ALDH1A2: variants seen among roughly 807,000 people sequenced by gnomAD.
The protein encoded by ALDH1A2 is retinal dehydrogenase 2.
Under a neutral mutation model 60.3 loss-of-function variants are expected in ALDH1A2, and 27 were observed. That is an observed-to-expected ratio of 0.45 (90% CI 0.33 to 0.62). The LOEUF is 0.62. Ranked by LOEUF, ALDH1A2 falls within the 20% of genes least tolerant of loss-of-function variation. ALDH1A2 has a pLI of 0.02. For synonymous variants in ALDH1A2, 289 were observed against 232.4 expected (o/e 1.24, Z -2.21); for missense variants, 581 against 643.8 (o/e 0.90, Z 1.06).
intron 1 of ALDH1A2, among the ~76,000 whole-genome samples, chr15:58,024,228 G>GA (rs1459448138): frequency 6.0e-5 from 9 of 149,590 alleles, no homozygotes; most frequent in East Asian, 3.9e-4. Context: ...TAAACAATAA[G>GA]AAAAAAAAAG....
chr15:58,025,019 G>A (rs1028835187), intron 1 of ALDH1A2, among the ~76,000 whole-genome samples: 17 of 151,970 alleles, frequency 1.1e-4, no homozygotes, highest in African/African-American at 4.1e-4. Flanking sequence ...AAACTCTTGG[G>A]AATAACAAAA....
chr15:58,060,162 C>T (rs1180809760), intron 1 of ALDH1A2, among the ~76,000 whole-genome samples: 1 of 152,106 alleles, frequency 6.6e-6, no homozygotes, highest in Non-Finnish European at 1.5e-5. Flanking sequence ...TTCAGGTGAT[C>T]CACCCGCCTC....
intron 7 of ALDH1A2, among the ~76,000 whole-genome samples, chr15:57,971,964 A>G (rs1020270286): frequency 2.6e-5 from 4 of 152,142 alleles, no homozygotes; most frequent in Admixed American, 2.6e-4. Context: ...TCCTGGGCTC[A>G]CACGATCTTC....
chr15:58,061,526 A>C (rs921477631), intron 1 of ALDH1A2, among the ~76,000 whole-genome samples: 3 of 149,578 alleles, frequency 2.0e-5, no homozygotes, highest in African/African-American at 7.3e-5. Context: ...AGAGGGGTAG[A>C]CTAGTTCATA....
At chr15:58,052,090 T>C (rs1896790260) in intron 1 of ALDH1A2, among the ~76,000 whole-genome samples, 1 of 152,168 alleles carries the variant, frequency 6.6e-6, no homozygotes, top group African/African-American at 2.4e-5. Flanking sequence ...CATTTTGATT[T>C]CCGCTGGATC....
chr15:58,024,193 C>G (rs1896010348), intron 1 of ALDH1A2, among the ~76,000 whole-genome samples: 1 of 151,604 alleles, frequency 6.6e-6, no homozygotes, highest in African/African-American at 2.4e-5. Context: ...CAAATGGTAC[C>G]ACTACAGGAA....
intron 4 of ALDH1A2, among the ~76,000 whole-genome samples, chr15:58,006,102 C>T (rs1283870841): frequency 6.6e-6 from 1 of 151,526 alleles, no homozygotes; most frequent in African/African-American, 2.4e-5. Context: ...GCAGTGGTTT[C>T]CAAGATTTTG....
chr15:58,029,175 C>T (rs556114415), intron 1 of ALDH1A2, among the ~76,000 whole-genome samples: 1 of 152,120 alleles, frequency 6.6e-6, no homozygotes, highest in African/African-American at 2.4e-5. Context: ...TGTAAAAGAA[C>T]AGAAATCACA....
At chr15:58,011,197 G>T (rs1159006004) in intron 3 of ALDH1A2, among the ~76,000 whole-genome samples, 1 of 152,114 alleles carries the variant, frequency 6.6e-6, no homozygotes, top group Non-Finnish European at 1.5e-5. Flanking sequence ...AGAATAGAAA[G>T]TGTTCTCCAC....
Position 57,995,151 on chromosome 15 carries a change from A to C in ALDH1A2, c.494-12T>G. ...AAAATAGTCTCCATCTGAAAGAAAA[A>C]AGCATGGTCACTCCCAGAAAGTTTA... On this transcript the variant is annotated splice_polypyrimidine_tract_variant and intron_variant, in intron 4 of 12. Coordinates refer to ENST00000249750, the MANE Select transcript of ALDH1A2 (RefSeq NM_003888.4). The C allele has an allele frequency of 2.5e-6, 4 of 1,609,744 alleles. No homozygotes were observed. In the South Asian group the frequency reaches 4.4e-5, roughly 18 times the overall value.
At chr15:58,015,847 G>C (rs536430604) in intron 1 of ALDH1A2, among the ~76,000 whole-genome samples, 1 of 152,260 alleles carries the variant, frequency 6.6e-6, no homozygotes, top group African/African-American at 2.4e-5. Flanking sequence ...CCAAGCCTGA[G>C]CTAGTTAGAA....
At chr15:58,057,992 A>G (rs1054571255) in intron 1 of ALDH1A2, 6 of 1,298,442 alleles carry the variant, frequency 4.6e-6, no homozygotes, top group Non-Finnish European at 6.3e-6. Context: ...ACTGTAAAAC[A>G]TAGATGAGGC....
At chr15:58,054,835 C>T (rs369940875) in intron 1 of ALDH1A2, among the ~76,000 whole-genome samples, 19 of 152,224 alleles carry the variant, frequency 1.2e-4, no homozygotes, top group African/African-American at 3.9e-4. Flanking sequence ...TGAAAAACAT[C>T]GTTCTTTATC....
chr15:58,055,342 G>A (rs570371023), intron 1 of ALDH1A2, among the ~76,000 whole-genome samples: 16 of 152,172 alleles, frequency 1.1e-4, no homozygotes, highest in South Asian at 2.1e-4. Flanking sequence ...AATAAAAGCC[G>A]TAGCTATTAA....
chr15:58,045,511 T>C (rs947548392), intron 1 of ALDH1A2, among the ~76,000 whole-genome samples: 2 of 152,042 alleles, frequency 1.3e-5, no homozygotes, highest in African/African-American at 4.8e-5. Flanking sequence ...CCATCAATGA[T>C]AGACTGGATA....
chr15:57,976,327 T>G (rs1219819491), intron 7 of ALDH1A2, among the ~76,000 whole-genome samples: 3 of 152,180 alleles, frequency 2.0e-5, no homozygotes, highest in Non-Finnish European at 1.5e-5. Flanking sequence ...GGGATACATG[T>G]GCAGAAAGTG....
intron 1 of ALDH1A2, among the ~76,000 whole-genome samples, chr15:58,026,145 A>G (rs1253167172): frequency 6.6e-6 from 1 of 152,232 alleles, no homozygotes; most frequent in African/African-American, 2.4e-5. Context: ...ACTACAAGCC[A>G]ATATCCCTGA....
At position 57,953,846 on chromosome 15, in the gene ALDH1A2, G is replaced by T. The variant is rs1222683317; in HGVS notation, c.*1351C>A. ...TGATCTGCATTTAGGTTAGAGACTG[G>T]ATTGGATTTGACAGCTGGAAAGATG... On this transcript the variant is annotated 3_prime_UTR_variant, in exon 13 of 13. Coordinates refer to ENST00000249750, the MANE Select transcript of ALDH1A2 (RefSeq NM_003888.4). The T allele has an allele frequency of 6.6e-6, 1 of 152,386 alleles. No homozygotes were observed. The highest frequency in any genetic ancestry group is 1.5e-5 in the Non-Finnish European group (1 of 68,052). 9.4% of individuals were successfully genotyped at this position (152,386 alleles called of 1,614,324 possible). A position where few individuals can be genotyped will look rare whatever the true frequency, so the allele number is the denominator to read the frequency against.
At position 58,058,876 on chromosome 15, in the gene ALDH1A2, C is replaced by T. The variant is rs150283860; in HGVS notation, c.117+6658G>A. Among the ~76,000 whole-genome samples the T allele has an allele frequency of 4.2e-3, 639 of 152,242 alleles. 8 individuals carry two copies. The highest frequency in any genetic ancestry group is 0.014 in the African/African-American group (595 of 41,536). Reference sequence around the variant, plus strand: ...ACGCAGACATACTAATTTTTAACCACATTCTACAGAGGTCAATTAATCCCC... The same window carrying T: ...ACGCAGACATACTAATTTTTAACCATATTCTACAGAGGTCAATTAATCCCC... On this transcript the variant is annotated intron_variant, in intron 1 of 12. Coordinates refer to ENST00000249750, the MANE Select transcript of ALDH1A2 (RefSeq NM_003888.4).
Sources: allele counts gnomAD v4.1 joint callset (sites outside exome capture counted in the v4.1 genomes callset), GRCh38; gene constraint gnomAD v4.1.1; transcripts MANE v1.5; gene names NCBI Gene and HGNC (gene_info 2026-07-23, HGNC 2026-07-21).